EVI5: variants seen among roughly 807,000 people sequenced by gnomAD.
The protein encoded by EVI5 is ecotropic viral integration site 5 protein homolog.
In EVI5, 73 loss-of-function variants were observed where a neutral mutation model predicts 112.0. The ratio of observed to expected loss-of-function variants is 0.65; its 90% confidence interval spans 0.54 to 0.79. The LOEUF is 0.79. Among genes scored for constraint, EVI5 ranks in the 30% least tolerant of loss-of-function variants. The probability of loss-of-function intolerance (pLI) is 0.00; values close to 1 mark genes in which losing one functional copy is unlikely to be tolerated. For missense variants in EVI5, 900 were observed against 968.8 expected (o/e 0.93, Z 0.94); for synonymous variants, 305 against 319.9 (o/e 0.95, Z 0.50).
chr1:92,736,117 T>G (rs903335796), intron 2 of EVI5, among the ~76,000 whole-genome samples: 1 of 151,788 alleles, frequency 6.6e-6, no homozygotes, highest in Non-Finnish European at 1.5e-5. Flanking sequence ...AGTTTAAAAT[T>G]ATAAAGTTAT....
rs1455368262 is a variant in EVI5 at position 92,653,095 on chromosome 1, C to G, written c.1392+9624G>C. On this transcript the variant is annotated intron_variant, in intron 13 of 19. Coordinates refer to ENST00000684568, the MANE Select transcript of EVI5 (RefSeq NM_001350197.2). Reference sequence around the variant, plus strand: ...GATTACCAACTTGCACTGGGTTGCTCACTCTGCCCCCGGACTTGAGCAGCA... The same window carrying G: ...GATTACCAACTTGCACTGGGTTGCTGACTCTGCCCCCGGACTTGAGCAGCA... Among the ~76,000 whole-genome samples the G allele has an allele frequency of 2.6e-5, 4 of 152,176 alleles. No homozygotes were observed. In the East Asian group the frequency reaches 7.7e-4, roughly 29 times the overall value.
intron 18 of EVI5, among the ~76,000 whole-genome samples, chr1:92,591,500 CA>C (rs1673885299): frequency 6.6e-6 from 1 of 152,046 alleles, no homozygotes; most frequent in Admixed American, 6.6e-5. Flanking sequence ...CAACAAAGAT[CA>C]AAAGAGACAA....
chr1:92,607,953 G>A (rs1050556691), intron 16 of EVI5, among the ~76,000 whole-genome samples: 2 of 151,826 alleles, frequency 1.3e-5, no homozygotes, highest in Non-Finnish European at 2.9e-5. Flanking sequence ...AGACCATCCC[G>A]GCTAACGCGG....
At chr1:92,514,129 T>C (rs1659499051) in intron 19 of EVI5, among the ~76,000 whole-genome samples, 159 bp from the exon 20 acceptor site, 1 of 152,272 alleles carries the variant, frequency 6.6e-6, no homozygotes, top group African/African-American at 2.4e-5. Flanking sequence ...ATGTGTTATA[T>C]ATAATGGGCT....
At chr1:92,735,257 G>A (rs1306933199) in intron 2 of EVI5, among the ~76,000 whole-genome samples, 1 of 152,124 alleles carries the variant, frequency 6.6e-6, no homozygotes, top group Non-Finnish European at 1.5e-5. Flanking sequence ...GCTATAACAT[G>A]ACTTTCAAAA....
At chr1:92,730,268 G>A (rs532125153) in intron 2 of EVI5, among the ~76,000 whole-genome samples, 163 of 152,168 alleles carry the variant, frequency 1.1e-3, no homozygotes, top group African/African-American at 3.6e-3. Flanking sequence ...AGGGCTTGGA[G>A]AATCACTTGA....
chr1:92,541,951 C>G (rs967847314), intron 19 of EVI5, among the ~76,000 whole-genome samples: 3 of 152,198 alleles, frequency 2.0e-5, no homozygotes, highest in African/African-American at 7.2e-5. Context: ...GGTGGAGGGT[C>G]TTGCCTTGAT....
intron 1 of EVI5, among the ~76,000 whole-genome samples, chr1:92,752,798 C>G (rs1475853121): frequency 6.6e-6 from 1 of 152,094 alleles, no homozygotes; most frequent in Non-Finnish European, 1.5e-5. Flanking sequence ...GTATTGGGTT[C>G]TATGAGCATC....
chr1:92,588,429 T>G (rs911100545), intron 18 of EVI5, among the ~76,000 whole-genome samples: 1 of 152,222 alleles, frequency 6.6e-6, no homozygotes, highest in Non-Finnish European at 1.5e-5. Flanking sequence ...TAAGTAGTTC[T>G]TCCCCCAAAT....
chr1:92,662,731 G>C lies in EVI5; in HGVS notation c.1380C>G (p.His460Gln), dbSNP rs749330726. Residue 460 changes from histidine (H) to glutamine (Q), a missense_variant, in exon 13 of 20, where the codon CAC becomes CAG. His to Gln is a conservative substitution (Grantham distance 24). Transcript: ENST00000684568. ...CCAGACTCCTTACCCATTGTTGTTGGTGCTGGAGCTTCCTGATGGTATTTT... is the reference window on the plus strand; with the variant it reads ...CCAGACTCCTTACCCATTGTTGTTGCTGCTGGAGCTTCCTGATGGTATTTT... The part of the protein sequence containing the change: ...QAENTIRKLQ[H>Q]QQQWHKCSSN... 14 of 1,280,030 alleles carry C rather than the reference G, an allele frequency of 1.1e-5. No homozygotes were observed. In the East Asian group the frequency reaches 5.2e-4, roughly 47 times the overall value. The allele number at this position is 1,280,030 out of a possible 1,614,324, so 79.3% of individuals were successfully genotyped here. A position where few individuals can be genotyped will look rare whatever the true frequency, so the allele number is the denominator to read the frequency against.
At chr1:92,593,597 G>C (rs1674388022) in intron 18 of EVI5, among the ~76,000 whole-genome samples, 1 of 152,098 alleles carries the variant, frequency 6.6e-6, no homozygotes, top group African/African-American at 2.4e-5. Context: ...AGGAAATAAA[G>C]GGTATTCCAT....
intron 9 of EVI5, among the ~76,000 whole-genome samples, chr1:92,685,344 C>T (rs1043125925): frequency 1.4e-4 from 21 of 152,298 alleles, no homozygotes; most frequent in African/African-American, 4.8e-4. Flanking sequence ...TAAAGATGTT[C>T]TTTGAAACCA....
intron 18 of EVI5, among the ~76,000 whole-genome samples, chr1:92,572,741 G>T (rs1670497567): frequency 4.5e-5 from 1 of 22,370 alleles, no homozygotes; most frequent in Non-Finnish European, 7.8e-5. Flanking sequence ...GTACAGTGAT[G>T]GGTTCGGGGG....
chr1:92,718,912 A>C (rs1338771240), intron 2 of EVI5, among the ~76,000 whole-genome samples: 2 of 152,232 alleles, frequency 1.3e-5, no homozygotes, highest in Non-Finnish European at 2.9e-5. Context: ...AGAATATAAT[A>C]AACACCTCTG....
At chr1:92,642,412 T>C (rs1449628583) in intron 13 of EVI5, among the ~76,000 whole-genome samples, 1 of 152,242 alleles carries the variant, frequency 6.6e-6, no homozygotes, top group Non-Finnish European at 1.5e-5. Context: ...CGTCCAGATT[T>C]ATAGGTATAG....
intron 19 of EVI5, among the ~76,000 whole-genome samples, chr1:92,558,442 G>T (rs1250268511): frequency 6.6e-6 from 1 of 152,130 alleles, no homozygotes; most frequent in Non-Finnish European, 1.5e-5. Context: ...CTCTATGCTG[G>T]TCAATGGCAC....
At chr1:92,618,782 T>C (rs949277059) in intron 16 of EVI5, among the ~76,000 whole-genome samples, 2 of 152,242 alleles carry the variant, frequency 1.3e-5, no homozygotes, top group African/African-American at 2.4e-5. Flanking sequence ...AGGACTGTAA[T>C]TGTCATGAGT....
chr1:92,620,609 C>G (rs767970887), intron 16 of EVI5, among the ~76,000 whole-genome samples: 1 of 151,902 alleles, frequency 6.6e-6, no homozygotes, highest in Non-Finnish European at 1.5e-5. Flanking sequence ...AAGAAGATAG[C>G]AGAGTGATTT....
At chr1:92,651,663 A>T (rs188194218) in intron 13 of EVI5, among the ~76,000 whole-genome samples, 3,382 of 144,684 alleles carry the variant, frequency 0.023, 114 homozygotes, top group African/African-American at 0.075. Context: ...CATCCCGGCT[A>T]AAACGGTGAA....
Sources: allele counts gnomAD v4.1 joint callset (sites outside exome capture counted in the v4.1 genomes callset), GRCh38; gene constraint gnomAD v4.1.1; transcripts MANE v1.5; gene names NCBI Gene and HGNC (gene_info 2026-07-23, HGNC 2026-07-21).